Variants in GAREM1 observed in about 807,000 individuals in gnomAD.
GAREM1 encodes the protein GRB2-associated and regulator of MAPK protein 1.
GAREM1 carries 26 observed loss-of-function variants against 71.3 expected under a neutral mutation model. The ratio of observed to expected loss-of-function variants is 0.36; its 90% CI spans 0.27 to 0.51. GAREM1 has a LOEUF of 0.51. Ranked by LOEUF, GAREM1 falls within the 20% of genes least tolerant of loss-of-function variation. The probability of loss-of-function intolerance (pLI) is 0.95; values close to 1 mark genes in which losing one functional copy is unlikely to be tolerated. For missense variants in GAREM1, 1,026 were observed against 1,103.1 expected (o/e 0.93, Z 0.99); for synonymous variants, 440 against 433.2 (o/e 1.02, Z -0.20).
At chr18:32,290,444 G>A (rs769343949) in intron 3 of GAREM1, 8 of 151,876 alleles carry the variant, frequency 5.3e-5, no homozygotes, top group Non-Finnish European at 1.2e-4. Context: ...AAGGACCTGA[G>A]ACCATCCTGG....
At position 32,293,517 on chromosome 18, in the gene GAREM1, C is replaced by T. The variant is rs541570695; in HGVS notation, c.394-5314G>A. Among the ~76,000 whole-genome samples the T allele has an allele frequency of 3.3e-5, 5 of 152,276 alleles. No individual in the cohort carries two copies. The South Asian group carries it at 1.0e-3, about 32-fold the overall frequency. On this transcript the variant is annotated intron_variant, in intron 3 of 5. Coordinates refer to ENST00000269209, the MANE Select transcript of GAREM1 (RefSeq NM_001242409.2). The stretch of plus-strand genomic sequence containing the variant: ...GCAAAAAGATGACAAACAAGGAAGA[C>T]TGGAAAATCATAATTTTGAAACTTA...
rs552896656 is a variant in GAREM1 at position 32,265,752 on chromosome 18, T to C, written c.*2119A>G. 1.4e-4 allele frequency: 22 copies of C among 152,370 alleles called. No individual in the cohort carries two copies. The highest frequency in any genetic ancestry group is 3.9e-4 in the Admixed American group (6 of 15,310). The allele number at this position is 152,370 out of a possible 1,614,324, so 9.4% of individuals were successfully genotyped here. A position where few individuals can be genotyped will look rare whatever the true frequency, so the allele number is the denominator to read the frequency against. On this transcript the variant is annotated 3_prime_UTR_variant, in exon 6 of 6. Coordinates refer to ENST00000269209, the MANE Select transcript of GAREM1 (RefSeq NM_001242409.2). ...AGTTGTTTATGTGAGGCAACCTTTA[T>C]AGTAAACCCAAACCAACCCTGTTCC...
At chr18:32,452,427 A>C (rs1267617905) in intron 1 of GAREM1, among the ~76,000 whole-genome samples, 1 of 152,160 alleles carries the variant, frequency 6.6e-6, no homozygotes, top group African/African-American at 2.4e-5. Context: ...CAGGCGTTCC[A>C]AACCTTTGTC....
rs542484676 is a variant in GAREM1, at chr18:32,431,542, C to T, written c.122-38507G>A. ...ACTGGGAAGGCTGAGGCAGGAGAAT[C>T]GCTGGAACCCAGGAGGTGGAGGTTG... is the stretch of plus-strand genomic sequence containing the variant. On this transcript the variant is annotated intron_variant, in intron 1 of 5. Coordinates refer to ENST00000269209, the MANE Select transcript of GAREM1 (RefSeq NM_001242409.2). Among the ~76,000 whole-genome samples the T allele has an allele frequency of 2.7e-3, 407 of 152,232 alleles. 3 individuals carry two copies. The highest frequency in any genetic ancestry group is 8.5e-3 in the African/African-American group (352 of 41,534).
chr18:32,376,123 T>C (rs1037056332), intron 2 of GAREM1, among the ~76,000 whole-genome samples: 1 of 152,220 alleles, frequency 6.6e-6, no homozygotes, highest in South Asian at 2.1e-4. Flanking sequence ...AAATCCTCCA[T>C]GTAAAGGTAA....
intron 2 of GAREM1, among the ~76,000 whole-genome samples, chr18:32,335,920 G>A (rs539120583): frequency 6.6e-6 from 1 of 152,320 alleles, no homozygotes; most frequent in African/African-American, 2.4e-5. Flanking sequence ...GGCTGTGGAA[G>A]AGCAGAGTGA....
At chr18:32,306,629 G>A (rs1337316950) in intron 3 of GAREM1, among the ~76,000 whole-genome samples, 3 of 152,106 alleles carry the variant, frequency 2.0e-5, no homozygotes, top group African/African-American at 7.2e-5. Context: ...ACGTCTTCCA[G>A]AAGATGATGA....
chr18:32,300,631 G>C (rs1166090019), intron 3 of GAREM1, among the ~76,000 whole-genome samples: 1 of 152,208 alleles, frequency 6.6e-6, no homozygotes, highest in African/African-American at 2.4e-5. Flanking sequence ...CATAGGCGGG[G>C]CGCAGTGGCT....
intron 2 of GAREM1, among the ~76,000 whole-genome samples, chr18:32,376,946 CA>C (rs1458261564): frequency 6.6e-6 from 1 of 152,130 alleles, no homozygotes; most frequent in Non-Finnish European, 1.5e-5. Context: ...TAGTATAAGC[CA>C]GTGTGTTAGC....
At chr18:32,380,640 A>T (rs1484364328) in intron 2 of GAREM1, among the ~76,000 whole-genome samples, 1 of 152,108 alleles carries the variant, frequency 6.6e-6, no homozygotes, top group Non-Finnish European at 1.5e-5. Flanking sequence ...CACCACTGAC[A>T]TTTTGGGCTG....
chr18:32,347,739 C>A (rs1280617818), intron 2 of GAREM1, among the ~76,000 whole-genome samples: 3 of 152,088 alleles, frequency 2.0e-5, no homozygotes, highest in African/African-American at 7.2e-5. Context: ...AAAAGTGGGA[C>A]AAATAGTATA....
intron 1 of GAREM1, among the ~76,000 whole-genome samples, chr18:32,452,682 C>A (rs2048851107): frequency 6.6e-6 from 1 of 152,082 alleles, no homozygotes; most frequent in Admixed American, 6.6e-5. Flanking sequence ...GTGCACCTAG[C>A]CCTTGTTACT....
Position 32,470,230 on chromosome 18 carries a change from C to T in GAREM1, c.121+78G>A. ...CAGCCCACTCCCCGCGGGTCCCACCCTCTCCAGCACACGCGCGCACACCCG... is the reference window on the plus strand; with the variant it reads ...CAGCCCACTCCCCGCGGGTCCCACCTTCTCCAGCACACGCGCGCACACCCG... On this transcript the variant is annotated intron_variant, in intron 1 of 5. Transcript: ENST00000269209. This position sits in a 1 kb window ranked among gnomAD's most constrained non-coding sequence, Gnocchi z 4.4. 7.5e-7 allele frequency: 1 copy of T among 1,336,244 alleles called. No homozygotes were observed. The highest frequency in any genetic ancestry group is 1.5e-5 in the African/African-American group (1 of 66,536). 82.8% of individuals were successfully genotyped at this position (1,336,244 alleles called of 1,614,324 possible).
intron 1 of GAREM1, among the ~76,000 whole-genome samples, chr18:32,446,845 C>T (rs1428766337): frequency 6.6e-6 from 1 of 152,154 alleles, no homozygotes; most frequent in Non-Finnish European, 1.5e-5. Flanking sequence ...AACTTCAAGA[C>T]ACTGGGATCA....
At chr18:32,340,893 C>T (rs980066519) in intron 2 of GAREM1, among the ~76,000 whole-genome samples, 2 of 152,098 alleles carry the variant, frequency 1.3e-5, no homozygotes, top group African/African-American at 2.4e-5. Flanking sequence ...TGAAGACTGA[C>T]GTAAAGTGTG....
intron 4 of GAREM1, among the ~76,000 whole-genome samples, chr18:32,281,765 G>A (rs1409747844): frequency 1.3e-5 from 2 of 152,060 alleles, no homozygotes; most frequent in African/African-American, 4.8e-5. Context: ...ATGAGGTCAG[G>A]AGATCAAGAC....
At chr18:32,405,787 A>G (rs1469469874) in intron 1 of GAREM1, among the ~76,000 whole-genome samples, 1 of 152,246 alleles carries the variant, frequency 6.6e-6, no homozygotes, top group East Asian at 1.9e-4. Context: ...CAAAGTGAAG[A>G]TAGCACAGCT....
intron 1 of GAREM1, among the ~76,000 whole-genome samples, chr18:32,446,223 AGTGTGTGTGT>A (rs10587223): frequency 2.8e-5 from 4 of 143,342 alleles, no homozygotes; most frequent in African/African-American, 5.2e-5. Flanking sequence ...AGTTCCCCAT[AGTGTGTGTGT>A]GTGTGTGTGT....
chr18:32,397,216 C>T (rs2048265978), intron 1 of GAREM1, among the ~76,000 whole-genome samples: 1 of 152,196 alleles, frequency 6.6e-6, no homozygotes, highest in Admixed American at 6.5e-5. Flanking sequence ...TTGTAAAGAC[C>T]ATCAAGGCTA....
Sources: gnomAD v4.1 joint callset for allele counts (sites outside exome capture counted in the v4.1 genomes callset) on GRCh38, gnomAD v4.1.1 for gene constraint, Gnocchi (gnomAD v3.1) non-coding constraint, MANE v1.5 for transcripts, NCBI Gene and HGNC (gene_info 2026-07-23, HGNC 2026-07-21) for gene names.